Variants in TGM6 observed in about 807,000 individuals in gnomAD.
TGM6 encodes transglutaminase 6, also known as protein-glutamine gamma-glutamyltransferase 6.
In TGM6, 74 loss-of-function variants were observed where a neutral mutation model predicts 77.5. The observed-to-expected ratio is 0.96, with a 90% CI of 0.79 to 1.16. The LOEUF (loss-of-function observed/expected upper bound fraction) is 1.16, where lower values mean the gene tolerates loss of function less well. Among genes scored for constraint, TGM6 ranks in the 50% most tolerant of loss-of-function variants. TGM6 has a pLI of 0.00. For missense variants in TGM6, 968 were observed against 940.2 expected (o/e 1.03, Z -0.39); for synonymous variants, 383 against 378.9 (o/e 1.01, Z -0.12).
chr20:2,426,787 C>A (rs1202212398), intron 10 of TGM6, among the ~76,000 whole-genome samples: 1 of 151,848 alleles, frequency 6.6e-6, no homozygotes, highest in Non-Finnish European at 1.5e-5. Flanking sequence ...TTATTTTTTC[C>A]TGTTGATTTG....
At chr20:2,393,535 A>G (rs2084642121) in intron 1 of TGM6, among the ~76,000 whole-genome samples, 1 of 152,136 alleles carries the variant, frequency 6.6e-6, no homozygotes, top group Non-Finnish European at 1.5e-5. Context: ...ATATTAAATT[A>G]TGTTTGTTTG....
intron 10 of TGM6, among the ~76,000 whole-genome samples, chr20:2,430,059 C>T (rs187847005): frequency 2.0e-5 from 3 of 152,268 alleles, no homozygotes; most frequent in African/African-American, 4.8e-5. Flanking sequence ...GCTCCTAGCA[C>T]ATAGTAGGTG....
At position 2,400,317 on chromosome 20, in the gene TGM6, T is replaced by C. The variant is rs1440278490; in HGVS notation, c.862T>C (p.Leu288=). The C allele has an allele frequency of 6.2e-7, 1 of 1,614,036 alleles. No homozygotes were observed. The highest frequency in any genetic ancestry group is 8.5e-7 in the Non-Finnish European group (1 of 1,180,024). ...AGVLCTVLRC[L]GIATRVVSNF... ...TCTCTGCTCTGCAGTCCTCAGGTGCTTGGGGATAGCCACACGGGTCGTGTC... is the reference window on the plus strand; with the variant it reads ...TCTCTGCTCTGCAGTCCTCAGGTGCCTGGGGATAGCCACACGGGTCGTGTC... Residue 288 remains leucine, a synonymous_variant, in exon 7 of 13, where the codon TTG becomes CTG. Coordinates refer to ENST00000202625, the MANE Select transcript of TGM6 (RefSeq NM_198994.3).
chr20:2,432,199 C>T (rs2084928062), intron 12 of TGM6, among the ~76,000 whole-genome samples: 1 of 152,086 alleles, frequency 6.6e-6, no homozygotes, highest in Non-Finnish European at 1.5e-5. Flanking sequence ...CAGGTGTGCA[C>T]CACTGCACCC....
intron 10 of TGM6, among the ~76,000 whole-genome samples, chr20:2,428,884 C>T (rs953601818): frequency 2.6e-5 from 4 of 152,054 alleles, no homozygotes; most frequent in Non-Finnish European, 5.9e-5. Flanking sequence ...AGTGCAGTGG[C>T]GCAATCTCAG....
intron 4 of TGM6, 111 bp downstream of exon 4, chr20:2,396,735 C>A: frequency 1.0e-6 from 1 of 986,288 alleles, no homozygotes; most frequent in Non-Finnish European, 1.6e-6. Context: ...GGGGGGCTCA[C>A]TCCTAGAGAA....
chr20:2,381,745 C>T (rs1417016113), intron 1 of TGM6, among the ~76,000 whole-genome samples: 4 of 152,038 alleles, frequency 2.6e-5, no homozygotes, highest in Admixed American at 6.5e-5. Context: ...GGCAAAACCC[C>T]GTCTCTACAA....
chr20:2,385,961 G>A (rs901288579), intron 1 of TGM6, among the ~76,000 whole-genome samples: 1 of 152,178 alleles, frequency 6.6e-6, no homozygotes, highest in African/African-American at 2.4e-5. Context: ...CTATAACACA[G>A]CATCCCTGAT....
At chr20:2,409,297 T>C (rs971365982) in intron 9 of TGM6, among the ~76,000 whole-genome samples, 1 of 152,032 alleles carries the variant, frequency 6.6e-6, no homozygotes, top group Non-Finnish European at 1.5e-5. Flanking sequence ...AAAATGAAAA[T>C]GCAATATGCC....
Position 2,413,340 on chromosome 20 carries a change from T to C in TGM6, c.1337-3892T>C, listed in dbSNP as rs138787965. ...GGGAGAATTGCTTGAGCCTGGGAGG[T>C]TGAGGTTGCAATGAGCCATGATTGC... On this transcript the variant is annotated intron_variant, in intron 9 of 12. Transcript: ENST00000202625. 3.9e-3 allele frequency among the ~76,000 whole-genome samples: 599 copies of C among 152,072 alleles called. 1 individual carries two copies. Among genetic ancestry groups the C allele is most frequent in the African/African-American group, 0.014 (568 of 41,456 alleles).
chr20:2,413,508 T>G (rs543080677), intron 9 of TGM6, among the ~76,000 whole-genome samples: 10 of 152,246 alleles, frequency 6.6e-5, no homozygotes, highest in Admixed American at 2.6e-4. Context: ...GAAACTGAAC[T>G]GAGAGTTGAA....
intron 8 of TGM6, 23 bp from the exon 9 acceptor site, chr20:2,403,558 T>C (rs779923037): frequency 8.7e-6 from 14 of 1,614,028 alleles, no homozygotes; most frequent in Non-Finnish European, 1.1e-5. Flanking sequence ...CCCATGCTGC[T>C]CATGCCCACC....
intron 9 of TGM6, among the ~76,000 whole-genome samples, chr20:2,404,629 G>A (rs2084737425): frequency 6.6e-6 from 1 of 150,442 alleles, no homozygotes; most frequent in Admixed American, 6.7e-5. Context: ...ATATTTTACA[G>A]CTCTGGTTGC....
At position 2,403,393 on chromosome 20, in the gene TGM6, G is replaced by A. The variant is rs1262064030; in HGVS notation, c.990-4G>A. On this transcript the variant is annotated splice_polypyrimidine_tract_variant and splice_region_variant and intron_variant, in intron 7 of 12. Transcript: ENST00000202625. ...CAGCTTCACCCATCCTCTCTCTGTG[G>A]CAGGAATTTCCATGTCTGGAATGAG... 2.5e-6 allele frequency: 4 copies of A among 1,614,128 alleles called. No homozygotes were observed. Among genetic ancestry groups the A allele is most frequent in the East Asian group, 2.2e-5 (1 of 44,872 alleles).
chr20:2,394,701 T>C, intron 2 of TGM6, 76 bp downstream of exon 2: 1 of 1,467,922 alleles, frequency 6.8e-7, no homozygotes, highest in Non-Finnish European at 9.3e-7. Context: ...ACATAAGACC[T>C]TGCAGTCAGC....
At position 2,406,790 on chromosome 20, in the gene TGM6, G is replaced by A. The variant is rs761072933; in HGVS notation, c.1336+2967G>A. Among the ~76,000 whole-genome samples the A allele has an allele frequency of 5.7e-5, 7 of 122,566 alleles. No individual in the cohort carries two copies. In the South Asian group the frequency reaches 8.3e-4, roughly 15 times the overall value. 80.4% of individuals were successfully genotyped at this position (122,566 alleles called of 152,430 possible). ...GCGGAGGTTGCAGTGAGCCAGGATC[G>A]CACACTGCACTCCACCCTCAGCAAC... On this transcript the variant is annotated intron_variant, in intron 9 of 12. Coordinates refer to ENST00000202625, the MANE Select transcript of TGM6 (RefSeq NM_198994.3).
At position 2,385,867 on chromosome 20, in the gene TGM6, T is replaced by C. The variant is rs79313858; in HGVS notation, c.7+4892T>C. On this transcript the variant is annotated intron_variant, in intron 1 of 12. Transcript: ENST00000202625. Reference sequence around the variant, plus strand: ...ATGCCCTGGGCCCTTAACCAGGTTCTAGCAACCCAGGGAGGGGGAGACTCA... The same window carrying C: ...ATGCCCTGGGCCCTTAACCAGGTTCCAGCAACCCAGGGAGGGGGAGACTCA... 4.7e-3 allele frequency among the ~76,000 whole-genome samples: 719 copies of C among 152,296 alleles called. 5 individuals carry two copies. Among genetic ancestry groups the C allele is most frequent in the African/African-American group, 0.017 (686 of 41,562 alleles).
At chr20:2,430,362 T>C (rs2084915993) in intron 10 of TGM6, 84 bp from the exon 11 acceptor site, 6 of 1,536,952 alleles carry the variant, frequency 3.9e-6, no homozygotes, top group Non-Finnish European at 3.6e-6. Flanking sequence ...AAAGGAGCTA[T>C]TAGTTGTGCA....
At chr20:2,381,933 T>A (rs2422757) in intron 1 of TGM6, among the ~76,000 whole-genome samples, 118,594 of 151,658 alleles carry the variant, frequency 0.78, 47,286 homozygotes, top group African/African-American at 0.92. Context: ...AAAAAGAAAG[T>A]AAGATAATGT....
Sources: gnomAD v4.1 joint callset for allele counts (sites outside exome capture counted in the v4.1 genomes callset) on GRCh38, gnomAD v4.1.1 for gene constraint, MANE v1.5 for transcripts, NCBI Gene and HGNC (gene_info 2026-07-23, HGNC 2026-07-21) for gene names.